The following FAM124A variants were observed in gnomAD, a reference collection of about 807,000 sequenced individuals.
FAM124A encodes family with sequence similarity 124 member A.
FAM124A carries 23 observed loss-of-function variants against 24.5 expected under a neutral mutation model. That is an observed-to-expected ratio of 0.94 (90% CI 0.68 to 1.33). The LOEUF (loss-of-function observed/expected upper bound fraction) is 1.33, where lower values mean the gene tolerates loss of function less well. Ranked by LOEUF, FAM124A falls within the 40% of genes most tolerant of loss-of-function variation. FAM124A has a pLI of 0.00. For missense variants in FAM124A, 623 were observed against 722.8 expected, an observed-to-expected ratio of 0.86 and a Z score of 1.58; for synonymous variants, 287 against 314.7, an observed-to-expected ratio of 0.91 and a Z score of 0.93.
intron 2 of FAM124A, among the ~76,000 whole-genome samples, chr13:51,246,399 T>TTTGG (rs1555273659): frequency 1.1e-5 from 1 of 91,880 alleles, no homozygotes. Context: ...ATGTTTCTCG[T>TTTGG]GGGGTGGGGG....
rs73194185 is a variant in FAM124A, at chr13:51,230,656, C to T, written c.69-692C>T. ...ACTAGAGATTAAGCAGATCCTTGGCCAGAGCCCCACTCTTACGGAGGCTGA... is the reference window on the plus strand; with the variant it reads ...ACTAGAGATTAAGCAGATCCTTGGCTAGAGCCCCACTCTTACGGAGGCTGA... On this transcript the variant is annotated intron_variant, in intron 1 of 3. Transcript: ENST00000322475. Among the ~76,000 whole-genome samples, 513 of 152,268 alleles carry T rather than the reference C, an allele frequency of 3.4e-3. 1 individual carries two copies. The highest frequency in any genetic ancestry group is 6.2e-3 in the Non-Finnish European group (419 of 68,016).
chr13:51,273,726 C>G (rs2067778859), intron 3 of FAM124A, among the ~76,000 whole-genome samples: 1 of 152,204 alleles, frequency 6.6e-6, no homozygotes, highest in African/African-American at 2.4e-5. Flanking sequence ...TACTCTATCT[C>G]TTGTTGTTCA....
Position 51,251,745 on chromosome 13 carries a change from G to A in FAM124A, c.378G>A (p.Pro126=), listed in dbSNP as rs1374833040. ...ILQLHRTLQQ[P]PWRHHHTEQV... is the part of the protein sequence containing the mutation. ...AGCTGCACCGCACACTGCAGCAGCC[G>A]CCCTGGCGCCACCACCACACCGAGC... The change falls in exon 3 of 4, where the codon CCG becomes CCA. Residue 126 remains proline (P), a synonymous_variant. Coordinates refer to ENST00000322475, the MANE Select transcript of FAM124A (RefSeq NM_001242312.2). This position sits in a 1 kb window ranked among gnomAD's most constrained non-coding sequence, Gnocchi z 5.3. The A allele has an allele frequency of 3.2e-6, 5 of 1,584,110 alleles. No homozygotes were observed. Among genetic ancestry groups the A allele is most frequent in the East Asian group, 4.6e-5 (2 of 43,168 alleles).
chr13:51,234,819 C>A (rs970258625), intron 2 of FAM124A, among the ~76,000 whole-genome samples: 6 of 152,184 alleles, frequency 3.9e-5, no homozygotes, highest in African/African-American at 1.4e-4. Context: ...AGAATCAACC[C>A]GAGCTTCTCT....
intron 3 of FAM124A, among the ~76,000 whole-genome samples, chr13:51,266,319 C>CT (rs547654081): frequency 6.6e-6 from 1 of 151,864 alleles, no homozygotes; most frequent in Non-Finnish European, 1.5e-5. Flanking sequence ...TACTCTTTTC[C>CT]TTTTTTTTGT....
intron 3 of FAM124A, among the ~76,000 whole-genome samples, chr13:51,273,285 T>A (rs572090045): frequency 3.9e-5 from 6 of 152,196 alleles, no homozygotes; most frequent in African/African-American, 1.4e-4. Flanking sequence ...ATCTAGTGGA[T>A]AGAGGTCAGG....
chr13:51,230,677 G>A (rs1274891690), intron 1 of FAM124A, among the ~76,000 whole-genome samples: 1 of 152,208 alleles, frequency 6.6e-6, no homozygotes, highest in Non-Finnish European at 1.5e-5. Flanking sequence ...TCTTACGGAG[G>A]CTGAATGCCA....
At chr13:51,228,878 A>G (rs898614445) in intron 1 of FAM124A, among the ~76,000 whole-genome samples, 9 of 152,278 alleles carry the variant, frequency 5.9e-5, no homozygotes, top group African/African-American at 1.9e-4. Flanking sequence ...ATATAAAGCC[A>G]TATTCATAAA....
chr13:51,231,923 T>C (rs1193490450), intron 2 of FAM124A, among the ~76,000 whole-genome samples: 2 of 152,230 alleles, frequency 1.3e-5, no homozygotes, highest in Non-Finnish European at 2.9e-5. Flanking sequence ...TAACCTACAT[T>C]GGTTATACAT....
At chr13:51,246,400 G>GT (rs1954560374) in intron 2 of FAM124A, among the ~76,000 whole-genome samples, 1 of 107,116 alleles carries the variant, frequency 9.3e-6, no homozygotes, top group Admixed American at 1.0e-4. Flanking sequence ...TGTTTCTCGT[G>GT]GGGTGGGGGG....
Position 51,251,534 on chromosome 13 carries a change from G to A in FAM124A, c.167G>A (p.Gly56Glu), listed in dbSNP as rs934422606. The change falls in exon 3 of 4, where the codon GGG becomes GAG. Residue 56 changes from glycine to glutamate, a missense_variant. By Grantham distance (98) the Gly-to-Glu change is moderately conservative. Transcript: ENST00000322475. The surrounding 1 kb of genome is among the most constrained non-coding windows in gnomAD (Gnocchi z 5.3). ...AGCATCCACATAATCGCAGACCCAG[G>A]GGAGTCCCAGCCCCTGCAGGAGGCC... ...LVSIHIIADP[G>E]ESQPLQEAID... 2.6e-6 allele frequency: 4 copies of A among 1,520,130 alleles called. No individual in the cohort carries two copies. Among genetic ancestry groups the A allele is most frequent in the Non-Finnish European group, 3.5e-6 (4 of 1,133,184 alleles). 94.2% of individuals were successfully genotyped at this position (1,520,130 alleles called of 1,614,324 possible). A position where few individuals can be genotyped will look rare whatever the true frequency, so the allele number is the denominator to read the frequency against.
intron 2 of FAM124A, among the ~76,000 whole-genome samples, chr13:51,233,366 TC>T (rs201655810): frequency 0.018 from 2,709 of 152,270 alleles, 39 homozygotes; most frequent in Middle Eastern, 0.031. Context: ...AGCTGAGCCA[TC>T]CCCACTTTTT....
At chr13:51,270,166 C>T (rs1954826320) in intron 3 of FAM124A, among the ~76,000 whole-genome samples, 1 of 152,184 alleles carries the variant, frequency 6.6e-6, no homozygotes, top group Admixed American at 6.5e-5. Context: ...CCCAGATCAT[C>T]CTGTAGCCTT....
In FAM124A at chr13:51,276,607, CA is replaced by C. The variant is rs569893686; in HGVS notation, c.835-3842del. The stretch of plus-strand genomic sequence containing the variant: ...AATCCTCTTCCTGTACTGACCATTC[CA>C]GAAAGACAACACAGGCTTTGCCCAT... On this transcript the variant is annotated intron_variant, in intron 3 of 3. Transcript: ENST00000322475. Among the ~76,000 whole-genome samples the C allele has an allele frequency of 1.7e-4, 26 of 152,280 alleles. No homozygotes were observed. In the East Asian group the frequency reaches 5.0e-3, roughly 29 times the overall value.
intron 2 of FAM124A, among the ~76,000 whole-genome samples, chr13:51,241,704 T>C (rs1312296468): frequency 1.3e-5 from 2 of 150,578 alleles, no homozygotes; most frequent in Admixed American, 6.7e-5. Context: ...TATATTAAAA[T>C]TTTCAAAATA....
intron 3 of FAM124A, among the ~76,000 whole-genome samples, chr13:51,275,787 G>A (rs762078492): frequency 6.6e-6 from 1 of 152,138 alleles, no homozygotes; most frequent in Non-Finnish European, 1.5e-5. Context: ...ATTATGTATC[G>A]ACGCAACCAA....
At chr13:51,236,377 T>G (rs1954435407) in intron 2 of FAM124A, among the ~76,000 whole-genome samples, 2 of 152,232 alleles carry the variant, frequency 1.3e-5, no homozygotes, top group Non-Finnish European at 2.9e-5. Flanking sequence ...AATGCTGCCT[T>G]CTCCCTTTAG....
intron 2 of FAM124A, among the ~76,000 whole-genome samples, chr13:51,243,525 GT>G (rs750171534): frequency 6.6e-6 from 1 of 151,576 alleles, no homozygotes; most frequent in Non-Finnish European, 1.5e-5. Flanking sequence ...CTGGTTGTTG[GT>G]TTTTTTTGTT....
intron 1 of FAM124A, among the ~76,000 whole-genome samples, chr13:51,224,469 C>T (rs1383189114): frequency 7.6e-6 from 1 of 131,608 alleles, no homozygotes; most frequent in African/African-American, 2.6e-5. Flanking sequence ...AAAACTCCAT[C>T]TCCAAAAAAA....
Sources: gnomAD v4.1 joint callset for allele counts (sites outside exome capture counted in the v4.1 genomes callset) on GRCh38, gnomAD v4.1.1 for gene constraint, Gnocchi (gnomAD v3.1) non-coding constraint, MANE v1.5 for transcripts, NCBI Gene and HGNC (gene_info 2026-07-23, HGNC 2026-07-21) for gene names.